AOC2: variants seen among roughly 807,000 people sequenced by gnomAD.
The protein encoded by AOC2 is amine oxidase [copper-containing] 2.
AOC2 carries 57 observed loss-of-function variants against 53.8 expected under a neutral mutation model. The ratio of observed to expected loss-of-function variants is 1.06; its 90% CI spans 0.86 to 1.32. The LOEUF (loss-of-function observed/expected upper bound fraction) is 1.32. AOC2 is among the 40% of genes most tolerant of loss of function. The pLI, the probability that AOC2 is intolerant of heterozygous loss-of-function variation, is 0.00. For missense variants in AOC2, 1,008 were observed against 957.2 expected (o/e 1.05, Z -0.70); for synonymous variants, 404 against 399.0 (o/e 1.01, Z -0.15).
rs1297766814 is a variant in AOC2 at position 42,845,755 on chromosome 17, C to T, written c.1129C>T (p.Arg377Cys). The change falls in exon 1 of 4, where the codon CGC (arginine) becomes TGC (cysteine). Residue 377 changes from arginine (R) to cysteine (C), a missense_variant. Physicochemically the swap from Arg to Cys is radical, Grantham distance 180. Transcript: ENST00000253799. ...GADSPKTMLT[R>C]YLDSSFGLGR... ...CGATTCACCCAAGACGATGCTGACT[C>T]GCTATTTGGATAGCAGCTTTGGACT... The T allele has an allele frequency of 5.6e-6, 9 of 1,614,014 alleles. No homozygotes were observed. Among genetic ancestry groups the T allele is most frequent in the African/African-American group, 2.7e-5 (2 of 74,896 alleles).
intron 3 of AOC2, 135 bp downstream of exon 3, chr17:42,849,865 C>T: frequency 1.5e-6 from 2 of 1,362,328 alleles, no homozygotes; most frequent in Non-Finnish European, 2.0e-6. Context: ...TTTCTGATGA[C>T]CAACACAGGT....
chr17:42,849,363 C>A lies in AOC2; in HGVS notation c.1866C>A (p.Ser622Arg). Reference sequence around the variant, plus strand: ...AGAGTGACATGGAGAGGGCCCTCAGCTGGGGGAGGTGAGGAGGGCCCTGGC... The same window carrying A: ...AGAGTGACATGGAGAGGGCCCTCAGATGGGGGAGGTGAGGAGGGCCCTGGC... ...PLESDMERAL[S>R]WGRYQLVVTQ... is the part of the protein sequence containing the mutation. Residue 622 changes from serine to arginine, a missense_variant, in exon 2 of 4, where the codon AGC (serine) becomes AGA (arginine). Ser to Arg is a moderately radical substitution (Grantham distance 110). Coordinates refer to ENST00000253799, the MANE Select transcript of AOC2 (RefSeq NM_009590.4). The A allele has an allele frequency of 6.2e-7, 1 of 1,611,040 alleles. No homozygotes were observed. The highest frequency in any genetic ancestry group is 8.5e-7 in the Non-Finnish European group (1 of 1,177,556).
rs556549786 is a variant in AOC2, at chr17:42,850,364, G to A, written c.*16G>A. 2.5e-5 allele frequency: 40 copies of A among 1,573,396 alleles called. No individual in the cohort carries two copies. Among genetic ancestry groups the A allele is most frequent in the African/African-American group, 6.8e-5 (5 of 73,892 alleles). On this transcript the variant is annotated 3_prime_UTR_variant, in exon 4 of 4. Coordinates refer to ENST00000253799, the MANE Select transcript of AOC2 (RefSeq NM_009590.4). ...CGGCTTCTAGTCCTGAGGGTGTGGC[G>A]GGCGGCGTGGTTAGGCACATGTACT...
chr17:42,845,999 C>G lies in AOC2; in HGVS notation c.1373C>G (p.Ser458Cys), dbSNP rs541580943. ...GCCAGCTCAGCCCTTGTGGTCAGGT[C>G]TGTGTCATCTGTGGGCAACTATGAC... is the stretch of plus-strand genomic sequence containing the variant. Reference protein sequence around the residue: ...GLASSALVVRSVSSVGNYDYI... With the variant: ...GLASSALVVRCVSSVGNYDYI... Residue 458 changes from serine (S) to cysteine (C), a missense_variant, in exon 1 of 4, where the codon TCT becomes TGT. Ser to Cys is a moderately radical substitution (Grantham distance 112). Coordinates refer to ENST00000253799, the MANE Select transcript of AOC2 (RefSeq NM_009590.4). 7 of 1,614,008 alleles carry G rather than the reference C, an allele frequency of 4.3e-6. No homozygotes were observed. The South Asian group carries it at 6.6e-5, about 15-fold the overall frequency.
At chr17:42,846,512 C>A (rs1239475440) in intron 1 of AOC2, among the ~76,000 whole-genome samples, 2 of 152,144 alleles carry the variant, frequency 1.3e-5, no homozygotes, top group African/African-American at 4.8e-5. Context: ...ATTGCCTTAG[C>A]CTCAAGTGAC....
rs1436136961 is a variant in AOC2 at position 42,844,970 on chromosome 17, C to G, written c.344C>G (p.Pro115Arg). 6 of 1,610,942 alleles carry G rather than the reference C, an allele frequency of 3.7e-6. No individual in the cohort carries two copies. Among genetic ancestry groups the G allele is most frequent in the Non-Finnish European group, 5.1e-6 (6 of 1,178,066 alleles). The part of the protein sequence containing the change: ...ALAHLDRGSP[P>R]PAREALAIVL... ...GCCCACCTGGACAGGGGGAGCCCCC[C>G]ACCTGCCCGGGAGGCACTGGCCATC... The change falls in exon 1 of 4, where the codon CCA becomes CGA. Residue 115 changes from proline to arginine, a missense_variant. Transcript: ENST00000253799.
rs767361385 is a variant in AOC2 at position 42,845,975 on chromosome 17, C to T, written c.1349C>T (p.Ala450Val). The T allele has an allele frequency of 3.7e-6, 6 of 1,614,064 alleles. No individual in the cohort carries two copies. The East Asian group carries it at 1.3e-4, about 36-fold the overall frequency. Residue 450 changes from alanine to valine, a missense_variant, in exon 1 of 4, where the codon GCC (alanine) becomes GTC (valine). Coordinates refer to ENST00000253799, the MANE Select transcript of AOC2 (RefSeq NM_009590.4). Reference protein sequence around the residue: ...YLQNHFYGGLASSALVVRSVS... With the variant: ...YLQNHFYGGLVSSALVVRSVS... ...CAAAATCATTTCTATGGTGGTTTGG[C>T]CAGCTCAGCCCTTGTGGTCAGGTCT...
Position 42,844,791 on chromosome 17 carries a change from G to A in AOC2, c.165G>A (p.Leu55=). 1 of 1,614,206 alleles carries A rather than the reference G, an allele frequency of 6.2e-7. No homozygotes were observed. The highest frequency in any genetic ancestry group is 8.5e-7 in the Non-Finnish European group (1 of 1,180,026). ...QPWPHPGQSQ[L]FADLSREELT... ...GGCCACACCCTGGCCAGAGCCAGCTGTTTGCAGACCTGAGCCGAGAGGAGT... is the reference window on the plus strand; with the variant it reads ...GGCCACACCCTGGCCAGAGCCAGCTATTTGCAGACCTGAGCCGAGAGGAGT... Residue 55 remains leucine, a synonymous_variant, in exon 1 of 4, where the codon CTG becomes CTA. Coordinates refer to ENST00000253799, the MANE Select transcript of AOC2 (RefSeq NM_009590.4).
At chr17:42,847,161 A>G (rs1327769504) in intron 1 of AOC2, among the ~76,000 whole-genome samples, 1 of 152,240 alleles carries the variant, frequency 6.6e-6, no homozygotes, top group Non-Finnish European at 1.5e-5. Context: ...TGAAATGATC[A>G]TATTAACTAG....
chr17:42,848,760 AG>A (rs1029131221), intron 1 of AOC2, among the ~76,000 whole-genome samples: 1 of 151,830 alleles, frequency 6.6e-6, no homozygotes, highest in African/African-American at 2.4e-5. Context: ...CACGTTGCAC[AG>A]GCTGGTCTCA....
At position 42,844,909 on chromosome 17, in the gene AOC2, G is replaced by T. The variant is rs768143889; in HGVS notation, c.283G>T (p.Val95Leu). The T allele has an allele frequency of 6.2e-7, 1 of 1,612,942 alleles. No homozygotes were observed. The stretch of plus-strand genomic sequence containing the variant: ...GCCCTCGGACAACTGCATCTTCTCA[G>T]TGGAGCTGCAGCTGCCCCCCAAGGC... ...AQPSDNCIFS[V>L]ELQLPPKAAA... Residue 95 changes from valine to leucine, a missense_variant, in exon 1 of 4, where the codon GTG (valine) becomes TTG (leucine). Coordinates refer to ENST00000253799, the MANE Select transcript of AOC2 (RefSeq NM_009590.4).
chr17:42,846,333 A>G, intron 1 of AOC2, 119 bp downstream of exon 1: 2 of 1,147,712 alleles, frequency 1.7e-6, no homozygotes, highest in Non-Finnish European at 2.4e-6. Flanking sequence ...GGGTGTTCCA[A>G]CACCACAGCT....
In AOC2 at chr17:42,850,647, G is replaced by A. The variant is rs33919783; in HGVS notation, c.*299G>A. On this transcript the variant is annotated 3_prime_UTR_variant, in exon 4 of 4. Transcript: ENST00000253799. ...TATGCATGTGCATTCAAAAGGAAGA[G>A]TAGATAGAATTTTGTAAAACAGATG... is the stretch of plus-strand genomic sequence containing the variant. 7.1e-3 allele frequency: 1,931 copies of A among 272,792 alleles called. 32 individuals are homozygous for A. Among genetic ancestry groups the A allele is most frequent in the African/African-American group, 0.039 (1,772 of 45,614 alleles). 16.9% of individuals were successfully genotyped at this position (272,792 alleles called of 1,614,324 possible).
intron 2 of AOC2, 62 bp from the exon 3 acceptor site, chr17:42,849,539 C>T: frequency 6.2e-7 from 1 of 1,612,968 alleles, no homozygotes; most frequent in Non-Finnish European, 8.5e-7. Flanking sequence ...ATCTAAGGGA[C>T]TCCTGGGCCA....
rs1597965191 is a variant in AOC2, at chr17:42,850,591, A to G, written c.*243A>G. 7.2e-6 allele frequency: 3 copies of G among 417,104 alleles called. No individual in the cohort carries two copies. The East Asian group carries it at 1.2e-4, about 16-fold the overall frequency. The allele number at this position is 417,104 out of a possible 1,614,324, so 25.8% of individuals were successfully genotyped here. ...ATATCACAAATCCTACTACTCAGAAATAGGTGGTCACATTACATCAGACAT... is the reference window on the plus strand; with the variant it reads ...ATATCACAAATCCTACTACTCAGAAGTAGGTGGTCACATTACATCAGACAT... On this transcript the variant is annotated 3_prime_UTR_variant, in exon 4 of 4. Transcript: ENST00000253799.
rs767529369 is a variant in AOC2 at position 42,845,074 on chromosome 17, G to T, written c.448G>T (p.Asp150Tyr). The T allele has an allele frequency of 1.9e-6, 3 of 1,614,000 alleles. No individual in the cohort carries two copies. The highest frequency in any genetic ancestry group is 1.1e-5 in the South Asian group (1 of 91,088). Reference protein sequence around the residue: ...GPLPHPSYMRDVTVERHGGPL... With the variant: ...GPLPHPSYMRYVTVERHGGPL... ...GCTGCCTCACCCCTCGTACATGCGG[G>T]ATGTGACTGTGGAGCGTCACGGCGG... The change falls in exon 1 of 4, where the codon GAT becomes TAT. Residue 150 changes from aspartate (D) to tyrosine (Y), a missense_variant. Physicochemically the swap from Asp to Tyr is radical, Grantham distance 160 (BLOSUM62 -3). Coordinates refer to ENST00000253799, the MANE Select transcript of AOC2 (RefSeq NM_009590.4).
chr17:42,849,919 C>A lies in AOC2; in HGVS notation c.2005-163C>A, dbSNP rs33929455. On this transcript the variant is annotated intron_variant, in intron 3 of 3. Transcript: ENST00000253799. ...ATTAGCTCTGGGACACTGGCTCCCC[C>A]CTCTCCCCGCACAGCTGCTTACATG... 2.1e-4 allele frequency among the ~76,000 whole-genome samples: 32 copies of A among 152,326 alleles called. No homozygotes were observed. In the South Asian group the frequency reaches 6.0e-3, roughly 29 times the overall value.
Position 42,846,083 on chromosome 17 carries a change from C to T in AOC2, c.1457C>T (p.Thr486Met), listed in dbSNP as rs140222638. The T allele has an allele frequency of 2.6e-5, 41 of 1,603,926 alleles. No individual in the cohort carries two copies. The highest frequency in any genetic ancestry group is 3.4e-5 in the Admixed American group (2 of 59,530). ...GCACTTGAAGGGCGGGTCCATGCCA[C>T]GGGTTATATCAACACAGCTTTCCTG... ...NGALEGRVHA[T>M]GYINTAFLKG... The change falls in exon 1 of 4, where the codon ACG (threonine) becomes ATG (methionine). Residue 486 changes from threonine to methionine, a missense_variant. Transcript: ENST00000253799.
Position 42,849,093 on chromosome 17 carries a change from A to G in AOC2, c.1596A>G (p.Lys532=), listed in dbSNP as rs755324690. Residue 532 remains lysine, a synonymous_variant, in exon 2 of 4, where the codon AAA becomes AAG. Transcript: ENST00000253799. ...TTTCCCTCCCCCTGGCAGGGCTGAAAAACTGGGTGGTAGCTGAAGACGTGG... is the reference window on the plus strand; with the variant it reads ...TTTCCCTCCCCCTGGCAGGGCTGAAGAACTGGGTGGTAGCTGAAGACGTGG... ...FKLDLDVAGL[K]NWVVAEDVVF... The G allele has an allele frequency of 6.2e-7, 1 of 1,607,656 alleles. No homozygotes were observed. Among genetic ancestry groups the G allele is most frequent in the Non-Finnish European group, 8.5e-7 (1 of 1,174,914 alleles).
Sources: allele counts gnomAD v4.1 joint callset (sites outside exome capture counted in the v4.1 genomes callset), GRCh38; gene constraint gnomAD v4.1.1; transcripts MANE v1.5; gene names NCBI Gene and HGNC (gene_info 2026-07-23, HGNC 2026-07-21).